The following MYRIP variants were observed in gnomAD, a reference collection of about 807,000 sequenced individuals.
MYRIP encodes the protein rab effector MyRIP.
A neutral mutation model predicts 98.0 loss-of-function variants in MYRIP; 49 were observed. That is an observed-to-expected ratio of 0.50 (90% CI 0.40 to 0.63). The LOEUF is 0.63. MYRIP is among the 30% of genes least tolerant of loss of function. The pLI is 0.00. For missense variants in MYRIP, 1,004 were observed against 1,058.2 expected, an observed-to-expected ratio of 0.95 and a Z score of 0.71; for synonymous variants, 404 against 409.5, an observed-to-expected ratio of 0.99 and a Z score of 0.16.
chr3:40,065,216 G>A (rs1948101300), intron 3 of MYRIP, among the ~76,000 whole-genome samples: 1 of 152,138 alleles, frequency 6.6e-6, no homozygotes, highest in South Asian at 2.1e-4. Context: ...TTATCACATA[G>A]TATTCTCCCT....
chr3:40,017,517 A>G (rs1484990607), intron 2 of MYRIP, among the ~76,000 whole-genome samples: 1 of 152,122 alleles, frequency 6.6e-6, no homozygotes, highest in African/African-American at 2.4e-5. Context: ...TCTTTTGAAC[A>G]TCTAATTACT....
At chr3:39,986,655 G>T (rs1429165958) in intron 2 of MYRIP, among the ~76,000 whole-genome samples, 2 of 152,156 alleles carry the variant, frequency 1.3e-5, no homozygotes, top group African/African-American at 4.8e-5. Flanking sequence ...GGCTCTGAGT[G>T]TTGATCCCTG....
intron 2 of MYRIP, among the ~76,000 whole-genome samples, chr3:39,906,838 T>C (rs1483280828): frequency 6.6e-6 from 1 of 152,172 alleles, no homozygotes; most frequent in African/African-American, 2.4e-5. Context: ...ACATTGTTCA[T>C]GGCAGAAATA....
chr3:40,158,719 C>G (rs562569806), intron 4 of MYRIP, among the ~76,000 whole-genome samples: 52 of 151,986 alleles, frequency 3.4e-4, no homozygotes, highest in African/African-American at 1.2e-3. Context: ...CTTAGCTCTT[C>G]TTGTTGAATT....
At chr3:39,880,772 A>G (rs1464408673) in intron 1 of MYRIP, among the ~76,000 whole-genome samples, 1 of 152,132 alleles carries the variant, frequency 6.6e-6, no homozygotes, top group African/African-American at 2.4e-5. Context: ...TTTTGTTGTT[A>G]TTATTTATCC....
chr3:40,092,010 A>G lies in MYRIP; in HGVS notation c.332+47739A>G, dbSNP rs141181346. Reference sequence around the variant, plus strand: ...CACATTAGAATACATTTCACAAGCTATAAATTGCTTGTCAGAAGCTCTGTA... The same window carrying G: ...CACATTAGAATACATTTCACAAGCTGTAAATTGCTTGTCAGAAGCTCTGTA... On this transcript the variant is annotated intron_variant, in intron 3 of 16. Transcript: ENST00000302541. Among the ~76,000 whole-genome samples the G allele has an allele frequency of 2.9e-3, 436 of 152,294 alleles. 1 individual carries two copies. Among genetic ancestry groups the G allele is most frequent in the African/African-American group, 1.0e-2 (415 of 41,558 alleles).
chr3:39,907,411 A>G (rs2125677065), intron 2 of MYRIP, among the ~76,000 whole-genome samples: 2 of 152,270 alleles, frequency 1.3e-5, no homozygotes, highest in Middle Eastern at 6.8e-3. Flanking sequence ...GGTCTGGATA[A>G]TCGACAGTGA....
chr3:40,163,983 C>T (rs544897583), intron 5 of MYRIP, among the ~76,000 whole-genome samples: 9 of 152,080 alleles, frequency 5.9e-5, no homozygotes, highest in Admixed American at 1.3e-4. Flanking sequence ...GCTGCTGAGC[C>T]GGAAATGCCC....
At chr3:40,067,633 A>G (rs1208191755) in intron 3 of MYRIP, among the ~76,000 whole-genome samples, 2 of 152,182 alleles carry the variant, frequency 1.3e-5, no homozygotes, top group Non-Finnish European at 2.9e-5. Flanking sequence ...CTCAGAATGA[A>G]GGATAGGCCT....
At chr3:40,040,146 G>A (rs1310320836) in intron 2 of MYRIP, among the ~76,000 whole-genome samples, 1 of 152,084 alleles carries the variant, frequency 6.6e-6, no homozygotes, top group Non-Finnish European at 1.5e-5. Context: ...AGTGATTTAG[G>A]GCATGGACAT....
chr3:40,012,165 G>A lies in MYRIP; in HGVS notation c.111-31885G>A, dbSNP rs371411915. Among the ~76,000 whole-genome samples the A allele has an allele frequency of 6.3e-4, 96 of 152,102 alleles. 2 individuals are homozygous for A. In the South Asian group the frequency reaches 0.015, roughly 24 times the overall value. On this transcript the variant is annotated intron_variant, in intron 2 of 16. Coordinates refer to ENST00000302541, the MANE Select transcript of MYRIP (RefSeq NM_015460.4). Reference sequence around the variant, plus strand: ...TAGACAGATAAGTAGTTCTTTTTACGGTTTATCTCACAGCTTCAGTCATGT... The same window carrying A: ...TAGACAGATAAGTAGTTCTTTTTACAGTTTATCTCACAGCTTCAGTCATGT...
At chr3:40,163,289 G>A (rs1163684264) in intron 5 of MYRIP, among the ~76,000 whole-genome samples, 1 of 152,082 alleles carries the variant, frequency 6.6e-6, no homozygotes, top group East Asian at 1.9e-4. Flanking sequence ...TTGATAATCA[G>A]TGCCCCCTCA....
In MYRIP at chr3:39,967,782, G is replaced by C. The variant is rs572928224; in HGVS notation, c.110+66856G>C. Among the ~76,000 whole-genome samples, 10 of 152,156 alleles carry C rather than the reference G, an allele frequency of 6.6e-5. No individual in the cohort carries two copies. The East Asian group carries it at 1.7e-3, about 26-fold the overall frequency. On this transcript the variant is annotated intron_variant, in intron 2 of 16. Transcript: ENST00000302541. ...CTTTTTAATAATAACCATTCTGATAGGCATGAGATGGTATCTCACTGCGGT... is the reference window on the plus strand; with the variant it reads ...CTTTTTAATAATAACCATTCTGATACGCATGAGATGGTATCTCACTGCGGT...
At chr3:39,826,434 G>A (rs68112124) in intron 1 of MYRIP, among the ~76,000 whole-genome samples, 12,796 of 152,038 alleles carry the variant, frequency 0.084, 605 homozygotes, top group African/African-American at 0.13. Flanking sequence ...GATCAGGAAC[G>A]TGTTGTTTAA....
In MYRIP at chr3:40,064,192, C is replaced by A. The variant is rs9311231; in HGVS notation, c.332+19921C>A. On this transcript the variant is annotated intron_variant, in intron 3 of 16. Transcript: ENST00000302541. ...TAGTCCCGTCAGGTGGACAGTACCC[C>A]CCTTTTACAGTTGTGGAAACTGAGC... Among the ~76,000 whole-genome samples, 1,239 of 151,646 alleles carry A rather than the reference C, an allele frequency of 8.2e-3. 15 individuals carry two copies. The highest frequency in any genetic ancestry group is 0.027 in the African/African-American group (1,130 of 41,342).
In MYRIP at chr3:39,837,601, C is replaced by T. The variant is rs189052463; in HGVS notation, c.-31+27685C>T. Among the ~76,000 whole-genome samples the T allele has an allele frequency of 2.6e-3, 394 of 152,292 alleles. 1 individual carries two copies. Among genetic ancestry groups the T allele is most frequent in the African/African-American group, 9.1e-3 (377 of 41,556 alleles). On this transcript the variant is annotated intron_variant, in intron 1 of 16. Transcript: ENST00000302541. ...TATCTGTTTTGGTACCAGTACCATGCTGTTTTGGTTACTGTAGCCTTGTAG... is the reference window on the plus strand; with the variant it reads ...TATCTGTTTTGGTACCAGTACCATGTTGTTTTGGTTACTGTAGCCTTGTAG...
At chr3:40,254,544 G>A (rs758856152) in intron 16 of MYRIP, among the ~76,000 whole-genome samples, 2 of 152,120 alleles carry the variant, frequency 1.3e-5, no homozygotes, top group African/African-American at 2.4e-5. Context: ...TTGCTATGGT[G>A]AAATTTTAAC....
chr3:39,856,873 G>A (rs775733449), intron 1 of MYRIP, among the ~76,000 whole-genome samples: 7 of 152,238 alleles, frequency 4.6e-5, no homozygotes, highest in South Asian at 2.1e-4. Flanking sequence ...TCAAGGAAAC[G>A]CGGCAAGCAG....
At chr3:40,098,822 GGATT>G (rs940883623) in intron 3 of MYRIP, among the ~76,000 whole-genome samples, 1 of 133,736 alleles carries the variant, frequency 7.5e-6, no homozygotes, top group Non-Finnish European at 1.6e-5. Context: ...GAAATATCTG[GGATT>G]ATTATTGACA....
Sources: allele counts gnomAD v4.1 joint callset (sites outside exome capture counted in the v4.1 genomes callset), GRCh38; gene constraint gnomAD v4.1.1; transcripts MANE v1.5; gene names NCBI Gene and HGNC (gene_info 2026-07-23, HGNC 2026-07-21).